ELOVL7: variants seen among roughly 807,000 people sequenced by gnomAD.
ELOVL7 encodes the protein very long chain fatty acid elongase 7.
ELOVL7 carries 27 observed loss-of-function variants against 35.7 expected under a neutral mutation model. The observed-to-expected ratio is 0.76, with a 90% CI of 0.56 to 1.04. The LOEUF is 1.04. ELOVL7 is among the 50% of genes least tolerant of loss of function. The probability of loss-of-function intolerance (pLI) is 0.00; values close to 1 mark genes in which losing one functional copy is unlikely to be tolerated. For missense variants in ELOVL7, 327 were observed against 340.8 expected (o/e 0.96, Z 0.32); for synonymous variants, 113 against 114.6 (o/e 0.99, Z 0.09).
At chr5:60,759,715 G>A (rs1741768961) in intron 7 of ELOVL7, among the ~76,000 whole-genome samples, 1 of 151,100 alleles carries the variant, frequency 6.6e-6, no homozygotes, top group South Asian at 2.1e-4. Context: ...GTATACATGT[G>A]CCACGCTGGT....
chr5:60,781,056 A>G (rs1743220922), intron 3 of ELOVL7, among the ~76,000 whole-genome samples: 1 of 152,108 alleles, frequency 6.6e-6, no homozygotes, highest in Non-Finnish European at 1.5e-5. Flanking sequence ...CGAAAAATAC[A>G]AAAATTAGCT....
chr5:60,776,650 A>G (rs7726421), intron 3 of ELOVL7, among the ~76,000 whole-genome samples: 34,170 of 152,182 alleles, frequency 0.22, 6,419 homozygotes, highest in African/African-American at 0.52. Flanking sequence ...GTTCTCACTT[A>G]TAAGTGGGAG....
intron 1 of ELOVL7, among the ~76,000 whole-genome samples, chr5:60,831,149 C>G (rs555825496): frequency 6.6e-6 from 1 of 152,096 alleles, no homozygotes; most frequent in African/African-American, 2.4e-5. Context: ...AGAAATGAAA[C>G]TACTATGGAC....
chr5:60,809,391 T>C (rs553774462), intron 1 of ELOVL7, among the ~76,000 whole-genome samples: 5 of 152,236 alleles, frequency 3.3e-5, no homozygotes, highest in African/African-American at 1.2e-4. Flanking sequence ...AAGTAGCTAG[T>C]CTTGATAAAT....
At chr5:60,817,131 A>T (rs975505062) in intron 1 of ELOVL7, among the ~76,000 whole-genome samples, 14 of 152,160 alleles carry the variant, frequency 9.2e-5, no homozygotes, top group African/African-American at 3.4e-4. Flanking sequence ...TACAGTGAAA[A>T]GCTTAAGCAC....
chr5:60,767,912 G>A lies in ELOVL7; in HGVS notation c.256-9C>T, dbSNP rs374576689. ...CAGCCAGACATCACAAACTGCAAGAGAGCACATGCATATTAAGAAAGGAAA... is the reference window on the plus strand; with the variant it reads ...CAGCCAGACATCACAAACTGCAAGAAAGCACATGCATATTAAGAAAGGAAA... On this transcript the variant is annotated splice_polypyrimidine_tract_variant and intron_variant, in intron 4 of 8. Coordinates refer to ENST00000508821, the MANE Select transcript of ELOVL7 (RefSeq NM_024930.3). The A allele has an allele frequency of 4.3e-6, 7 of 1,609,700 alleles. No homozygotes were observed. The highest frequency in any genetic ancestry group is 4.5e-5 in the East Asian group (2 of 44,848).
intron 1 of ELOVL7, among the ~76,000 whole-genome samples, chr5:60,829,187 GA>G (rs1327476039): frequency 6.6e-6 from 1 of 151,986 alleles, no homozygotes; most frequent in Non-Finnish European, 1.5e-5. Flanking sequence ...AGCATACTAG[GA>G]GATGGTTCTT....
intron 1 of ELOVL7, among the ~76,000 whole-genome samples, chr5:60,834,181 G>A (rs1025735230): frequency 4.0e-5 from 6 of 151,562 alleles, no homozygotes; most frequent in African/African-American, 7.3e-5. Flanking sequence ...TCGCTCTGTC[G>A]CCCAGGCTGG....
At position 60,752,645 on chromosome 5, in the gene ELOVL7, T is replaced by G. The variant is rs1023300245; in HGVS notation, c.*1979A>C. On this transcript the variant is annotated 3_prime_UTR_variant, in exon 9 of 9. Coordinates refer to ENST00000508821, the MANE Select transcript of ELOVL7 (RefSeq NM_024930.3). ...AGCTGTGCTCTTTTGTCCTTCATTC[T>G]TTATTTTCTAAAAATATAAAATTAT... 4 of 152,560 alleles carry G rather than the reference T, an allele frequency of 2.6e-5. No homozygotes were observed. Among genetic ancestry groups the G allele is most frequent in the African/African-American group, 9.7e-5 (4 of 41,446 alleles). The allele number at this position is 152,560 out of a possible 1,614,324, so 9.5% of individuals were successfully genotyped here.
chr5:60,762,162 T>C (rs1205084531), intron 7 of ELOVL7, among the ~76,000 whole-genome samples: 1 of 151,972 alleles, frequency 6.6e-6, no homozygotes, highest in Non-Finnish European at 1.5e-5. Context: ...AAACCCGTTA[T>C]AAAGTGACTG....
intron 1 of ELOVL7, among the ~76,000 whole-genome samples, chr5:60,825,612 TTGAA>T (rs1561470212): frequency 1.3e-5 from 2 of 152,136 alleles, no homozygotes; most frequent in African/African-American, 2.4e-5. Flanking sequence ...GAAATATTTG[TTGAA>T]TGAATGGATG....
At chr5:60,815,237 C>T (rs752610697) in intron 1 of ELOVL7, among the ~76,000 whole-genome samples, 1 of 152,306 alleles carries the variant, frequency 6.6e-6, no homozygotes, top group South Asian at 2.1e-4. Context: ...ACTTATCATT[C>T]TTTAAATGTT....
At chr5:60,843,774 C>T (rs572632738) in intron 1 of ELOVL7, among the ~76,000 whole-genome samples, 31 of 152,226 alleles carry the variant, frequency 2.0e-4, no homozygotes, top group South Asian at 1.7e-3. Context: ...GCAGGGCCAG[C>T]GCCGCGCGGG....
At chr5:60,815,551 TTTTATAAATAAATAAAATTTATTTA>T (rs911521661) in intron 1 of ELOVL7, among the ~76,000 whole-genome samples, 26 of 8,812 alleles carry the variant, frequency 3.0e-3, no homozygotes, top group South Asian at 6.1e-3. Context: ...AATTTATTTA[TTTTATAAATAAATAAAATTTATTTA>T]TTTTTTTTTG....
chr5:60,843,775 G>C (rs996359463), intron 1 of ELOVL7, among the ~76,000 whole-genome samples: 7 of 152,038 alleles, frequency 4.6e-5, no homozygotes, highest in Non-Finnish European at 1.0e-4. Flanking sequence ...CAGGGCCAGC[G>C]CCGCGCGGGA....
intron 8 of ELOVL7, among the ~76,000 whole-genome samples, chr5:60,755,459 C>A (rs1223884298): frequency 6.6e-6 from 1 of 152,052 alleles, no homozygotes; most frequent in Non-Finnish European, 1.5e-5. Flanking sequence ...GAGTTCGAGA[C>A]CAGCCTGGTC....
intron 1 of ELOVL7, among the ~76,000 whole-genome samples, chr5:60,833,598 T>G (rs1486758933): frequency 1.3e-5 from 2 of 152,180 alleles, no homozygotes; most frequent in East Asian, 3.8e-4. Flanking sequence ...AAACCTACAT[T>G]AGAAATTAAA....
intron 1 of ELOVL7, among the ~76,000 whole-genome samples, chr5:60,807,587 A>T (rs2112308023): frequency 6.6e-6 from 1 of 152,278 alleles, no homozygotes; most frequent in African/African-American, 2.4e-5. Flanking sequence ...AAAGAAACCA[A>T]AGCAAAAAGG....
chr5:60,755,518 G>A (rs1311327869), intron 8 of ELOVL7, among the ~76,000 whole-genome samples: 2 of 152,134 alleles, frequency 1.3e-5, no homozygotes, highest in African/African-American at 2.4e-5. Context: ...TTAGCCGGGC[G>A]CAGTGGTACG....
Sources: gnomAD v4.1 joint callset for allele counts (sites outside exome capture counted in the v4.1 genomes callset) on GRCh38, gnomAD v4.1.1 for gene constraint, MANE v1.5 for transcripts, NCBI Gene and HGNC (gene_info 2026-07-23, HGNC 2026-07-21) for gene names.